ZNF536: variants seen among roughly 807,000 people sequenced by gnomAD.
The protein encoded by ZNF536 is zinc finger protein 536.
ZNF536 carries 13 observed loss-of-function variants against 84.5 expected under a neutral mutation model. That is an observed-to-expected ratio of 0.15 (90% CI 0.10 to 0.24). The LOEUF (loss-of-function observed/expected upper bound fraction) is 0.24, where lower values mean the gene tolerates loss of function less well. Among genes scored for constraint, ZNF536 ranks in the 10% least tolerant of loss-of-function variants. The probability of loss-of-function intolerance (pLI) is 1.00; values close to 1 mark genes in which losing one functional copy is unlikely to be tolerated. For missense variants in ZNF536, 1,536 were observed against 1,747.5 expected (o/e 0.88, Z 2.16); for synonymous variants, 811 against 742.5 (o/e 1.09, Z -1.50).
rs531421032 is a variant in ZNF536 at position 30,656,600 on chromosome 19, G to A, written c.170-54157G>A. On this transcript the variant is annotated intron_variant, in intron 1 of 1. Coordinates refer to the ZNF536 transcript ENST00000592773. ...GCAGCACACTCTCCAGAGAGTCAAA[G>A]GATGTCATTCCCTTCTCGGCAGGGA... is the stretch of plus-strand genomic sequence containing the variant. Among the ~76,000 whole-genome samples the A allele has an allele frequency of 3.6e-3, 550 of 152,344 alleles. 1 individual carries two copies. The highest frequency in any genetic ancestry group is 5.0e-3 in the Non-Finnish European group (338 of 68,034).
chr19:30,670,552 G>A (rs990430973), intron 1 of ZNF536, among the ~76,000 whole-genome samples: 26 of 152,246 alleles, frequency 1.7e-4, no homozygotes, highest in African/African-American at 5.8e-4. Flanking sequence ...GGCCTTGCCA[G>A]GTTGGACACT....
At chr19:30,371,562 TTTTTTTTTTG>T (rs1248608581), upstream of ZNF536, among the ~76,000 whole-genome samples, 1 of 151,460 alleles carries the variant, frequency 6.6e-6, no homozygotes, top group African/African-American at 2.4e-5. Context: ...TTTCTTGTTT[TTTTTTTTTTG>T]TTTTTTTTTT....
At chr19:30,471,242 CACTG>C (rs1395022143) in intron 2 of ZNF536, among the ~76,000 whole-genome samples, 8 of 152,144 alleles carry the variant, frequency 5.3e-5, no homozygotes, top group African/African-American at 1.9e-4. Context: ...TCTGGCTTAT[CACTG>C]ATAATGTTGA....
At chr19:30,456,308 C>CTT (rs11301441) in intron 2 of ZNF536, among the ~76,000 whole-genome samples, 1,211 of 108,068 alleles carry the variant, frequency 0.011, 14 homozygotes, top group African/African-American at 0.02. Flanking sequence ...TGTTTCTTTT[C>CTT]TTTTTTTTTT....
At chr19:30,373,241 A>G (rs1273445751) in intron 1 of ZNF536, among the ~76,000 whole-genome samples, 3 of 151,994 alleles carry the variant, frequency 2.0e-5, no homozygotes, top group Non-Finnish European at 4.4e-5. Context: ...ACTCTTCCCC[A>G]CTGGCCAGGC....
At chr19:30,270,504 A>G (rs1323887757) in intron 1 of ZNF536, among the ~76,000 whole-genome samples, 2 of 152,244 alleles carry the variant, frequency 1.3e-5, no homozygotes, top group Admixed American at 1.3e-4. Context: ...CCTGTCAAAA[A>G]TAAATGCATT....
At chr19:30,447,730 C>T (rs751020411) in intron 2 of ZNF536, among the ~76,000 whole-genome samples, 2 of 152,208 alleles carry the variant, frequency 1.3e-5, no homozygotes, top group Non-Finnish European at 2.9e-5. Flanking sequence ...GAGGTCTGCT[C>T]TTCTGGCATG....
At chr19:30,416,163 T>A (rs760336748) in intron 1 of ZNF536, among the ~76,000 whole-genome samples, 1 of 152,202 alleles carries the variant, frequency 6.6e-6, no homozygotes, top group East Asian at 1.9e-4. Context: ...TTCCAACACT[T>A]TTTTGTCTTT....
At chr19:30,349,187 G>T (rs1264418298) in intron 2 of ZNF536, among the ~76,000 whole-genome samples, 3 of 152,070 alleles carry the variant, frequency 2.0e-5, no homozygotes, top group Non-Finnish European at 4.4e-5. Flanking sequence ...TACTGCATAG[G>T]GCTCCAAATG....
intron 1 of ZNF536, among the ~76,000 whole-genome samples, chr19:30,268,590 A>G (rs1385999268): frequency 1.3e-5 from 2 of 152,212 alleles, no homozygotes; most frequent in African/African-American, 2.4e-5. Flanking sequence ...TGGACGATCT[A>G]TAACGACTTC....
chr19:30,610,271 T>C (rs1481836494), intron 1 of ZNF536, among the ~76,000 whole-genome samples: 2 of 152,224 alleles, frequency 1.3e-5, no homozygotes, highest in Non-Finnish European at 2.9e-5. Flanking sequence ...AAATGCCTTT[T>C]GTGTGGTGTT....
At chr19:30,372,193 C>T (rs2048634052), upstream of ZNF536, among the ~76,000 whole-genome samples, 1 of 152,144 alleles carries the variant, frequency 6.6e-6, no homozygotes, top group Non-Finnish European at 1.5e-5. Context: ...GGCCTCTGTA[C>T]AGAGAGAGTG....
chr19:30,349,264 A>G (rs2047850963), intron 2 of ZNF536, among the ~76,000 whole-genome samples: 1 of 152,240 alleles, frequency 6.6e-6, no homozygotes, highest in Non-Finnish European at 1.5e-5. Context: ...TTGGGTAAGT[A>G]GAGCATTCAT....
chr19:30,483,725 G>T (rs1471513790), intron 2 of ZNF536, among the ~76,000 whole-genome samples: 4 of 152,010 alleles, frequency 2.6e-5, no homozygotes, highest in African/African-American at 9.7e-5. Context: ...TCTCTGGAAG[G>T]ATCTACCTAA....
chr19:30,629,815 A>T (rs1354592754), intron 1 of ZNF536, among the ~76,000 whole-genome samples: 1 of 152,204 alleles, frequency 6.6e-6, no homozygotes, highest in East Asian at 1.9e-4. Context: ...GGGGCCGGGC[A>T]GGGGAAATGC....
At chr19:30,384,220 CT>C (rs1363000272) in intron 1 of ZNF536, among the ~76,000 whole-genome samples, 3 of 62,608 alleles carry the variant, frequency 4.8e-5, no homozygotes, top group African/African-American at 2.8e-4. Context: ...CCCTCCCTCC[CT>C]CCCTCCCTCC....
At position 30,548,792 on chromosome 19, in the gene ZNF536, A is replaced by G; in HGVS notation, c.3173A>G (p.Gln1058Arg). The change falls in exon 4 of 5, where the codon CAA (glutamine) becomes CGA (arginine). Residue 1058 changes from glutamine (Q) to arginine (R), a missense_variant. Physicochemically the swap from Gln to Arg is conservative, Grantham distance 43 (BLOSUM62 1). Transcript: ENST00000355537. Reference protein sequence around the residue: ...ASKMALLPSLQSNKDLGLSNM... With the variant: ...ASKMALLPSLRSNKDLGLSNM... ...AAGATGGCCCTGCTGCCCTCGTTAC[A>G]ATCAAACAAAGACCTGGGCCTCTCC... 1 of 1,613,902 alleles carries G rather than the reference A, an allele frequency of 6.2e-7. No individual in the cohort carries two copies.
chr19:30,454,747 T>TC (rs2052759072), intron 2 of ZNF536, among the ~76,000 whole-genome samples: 1 of 152,090 alleles, frequency 6.6e-6, no homozygotes, highest in Non-Finnish European at 1.5e-5. Flanking sequence ...ACCTTTCCAC[T>TC]TGGGACCGGG....
chr19:30,648,268 G>C (rs1600142992), intron 1 of ZNF536, among the ~76,000 whole-genome samples: 1 of 152,294 alleles, frequency 6.6e-6, no homozygotes, highest in East Asian at 1.9e-4. Context: ...GCGGCCGCGT[G>C]GAAGCCTCCT....
Sources: gnomAD v4.1 joint callset for allele counts (sites outside exome capture counted in the v4.1 genomes callset) on GRCh38, gnomAD v4.1.1 for gene constraint, MANE v1.5 for transcripts, NCBI Gene and HGNC (gene_info 2026-07-23, HGNC 2026-07-21) for gene names.